Variants in ITGA9 observed in about 807,000 individuals in gnomAD.
ITGA9 encodes the protein integrin subunit alpha 9, also known as integrin alpha-9.
Under a neutral mutation model 127.8 loss-of-function variants are expected in ITGA9, and 56 were observed. That is an observed-to-expected ratio of 0.44 (90% CI 0.35 to 0.55). ITGA9 has a LOEUF of 0.55. Among genes scored for constraint, ITGA9 ranks in the 20% least tolerant of loss-of-function variants. ITGA9 has a pLI of 0.00. For synonymous variants in ITGA9, 508 were observed against 514.5 expected (o/e 0.99, Z 0.17); for missense variants, 1,196 against 1,347.1 (o/e 0.89, Z 1.76).
chr3:37,570,723 G>A (rs1699591889), intron 15 of ITGA9, among the ~76,000 whole-genome samples: 1 of 152,108 alleles, frequency 6.6e-6, no homozygotes, highest in African/African-American at 2.4e-5. Flanking sequence ...ACTGCAGAAG[G>A]GAAATAATAA....
chr3:37,503,447 C>T lies in ITGA9; in HGVS notation c.742+140C>T, dbSNP rs1277978074. The T allele has an allele frequency of 3.2e-6, 3 of 932,740 alleles. No homozygotes were observed. In the African/African-American group the frequency reaches 4.9e-5, roughly 15 times the overall value. 57.8% of individuals were successfully genotyped at this position (932,740 alleles called of 1,614,324 possible). On this transcript the variant is annotated intron_variant, in intron 6 of 27. Coordinates refer to ENST00000264741, the MANE Select transcript of ITGA9 (RefSeq NM_002207.3). ...TGTTCTAATGACTTACATCTTTAGC[C>T]AGGGCATCTTCACATCTAGCTCCAC... is the stretch of plus-strand genomic sequence containing the variant.
rs1424480827 is a variant in ITGA9, at chr3:37,555,166, CT to C, written c.1689+12584del. On this transcript the variant is annotated intron_variant, in intron 15 of 27. Coordinates refer to ENST00000264741, the MANE Select transcript of ITGA9 (RefSeq NM_002207.3). ...AAGAAGTGGGACATGCAAAGGGGCT[CT>C]TTATAATCTGGTCTGAGGCCCCTGT... is the stretch of plus-strand genomic sequence containing the variant. 7.0e-4 allele frequency among the ~76,000 whole-genome samples: 106 copies of C among 152,304 alleles called. 1 individual carries two copies. Among genetic ancestry groups the C allele is most frequent in the Non-Finnish European group, 1.5e-4 (10 of 68,028 alleles).
intron 22 of ITGA9, among the ~76,000 whole-genome samples, chr3:37,745,115 T>C (rs753726235): frequency 1.2e-4 from 18 of 152,228 alleles, no homozygotes; most frequent in Non-Finnish European, 2.4e-4. Flanking sequence ...TTTCTTTCCT[T>C]GTGGCCTCTC....
At chr3:37,752,484 C>T (rs1696598670) in intron 23 of ITGA9, among the ~76,000 whole-genome samples, 1 of 152,180 alleles carries the variant, frequency 6.6e-6, no homozygotes, top group Non-Finnish European at 1.5e-5. Flanking sequence ...GAAGCAGAAA[C>T]AGATTATAGG....
At chr3:37,526,424 T>C (rs140515274) in intron 13 of ITGA9, among the ~76,000 whole-genome samples, 148 of 152,352 alleles carry the variant, frequency 9.7e-4, no homozygotes, top group African/African-American at 3.3e-3. Flanking sequence ...CATAAAAATA[T>C]TTTATAATTT....
chr3:37,820,498 T>A lies in ITGA9; in HGVS notation c.*1509T>A, dbSNP rs990493926. The A allele has an allele frequency of 2.5e-4, 38 of 152,292 alleles. No individual in the cohort carries two copies. Among genetic ancestry groups the A allele is most frequent in the African/African-American group, 7.5e-4 (31 of 41,452 alleles). 9.4% of individuals were successfully genotyped at this position (152,292 alleles called of 1,614,324 possible). A position where few individuals can be genotyped will look rare whatever the true frequency, so the allele number is the denominator to read the frequency against. ...CCCCACCCCCTGAATGTGTGAGTGC[T>A]GAGTTACGGCCTTCAGTATCCAAGC... On this transcript the variant is annotated 3_prime_UTR_variant, in exon 28 of 28. Coordinates refer to ENST00000264741, the MANE Select transcript of ITGA9 (RefSeq NM_002207.3).
At chr3:37,657,344 A>G (rs1454051611) in intron 17 of ITGA9, among the ~76,000 whole-genome samples, 1 of 152,148 alleles carries the variant, frequency 6.6e-6, no homozygotes, top group Admixed American at 6.5e-5. Flanking sequence ...TTGGTAGGCT[A>G]TTAATTACTA....
At chr3:37,728,034 T>C (rs1696236607) in intron 18 of ITGA9, among the ~76,000 whole-genome samples, 1 of 152,258 alleles carries the variant, frequency 6.6e-6, no homozygotes, top group Non-Finnish European at 1.5e-5. Context: ...TAATCAGATG[T>C]CTGCACTAGC....
rs550154251 is a variant in ITGA9, at chr3:37,750,536, T to G, written c.2508T>G (p.Gly836=). The change falls in exon 23 of 28, where the codon GGT becomes GGG. Residue 836 remains glycine, a synonymous_variant. Coordinates refer to ENST00000264741, the MANE Select transcript of ITGA9 (RefSeq NM_002207.3). The stretch of plus-strand genomic sequence containing the variant: ...CTTTCCCTAATCGACTCTCATCTGG[T>G]GGTGCAGAGATGTTTCATGTCCAGG... The part of the protein sequence containing the change: ...SISFPNRLSS[G]GAEMFHVQEM... The G allele has an allele frequency of 6.2e-7, 1 of 1,613,524 alleles. No individual in the cohort carries two copies. The highest frequency in any genetic ancestry group is 1.1e-5 in the South Asian group (1 of 91,062).
intron 22 of ITGA9, chr3:37,748,904 T>C (rs1696544108): frequency 3.6e-6 from 3 of 845,028 alleles, no homozygotes; most frequent in East Asian, 4.8e-5. Context: ...CATGGCATAA[T>C]AGGTGTCTAA....
chr3:37,592,968 A>G (rs920488296), intron 15 of ITGA9, among the ~76,000 whole-genome samples: 1 of 152,208 alleles, frequency 6.6e-6, no homozygotes, highest in African/African-American at 2.4e-5. Context: ...AAACCATAGC[A>G]CCTGATGAAA....
chr3:37,480,458 C>G lies in ITGA9; in HGVS notation c.421-1026C>G, dbSNP rs2125558274. Among the ~76,000 whole-genome samples, 2 of 152,350 alleles carry G rather than the reference C, an allele frequency of 1.3e-5. 1 individual carries two copies. The highest frequency in any genetic ancestry group is 6.8e-3 in the Middle Eastern group (2 of 294). ...CCATGAACCTTCCTTCAGCTTTCTC[C>G]TCAGAGAGGCCTTCCTTGACCTGCC... On this transcript the variant is annotated intron_variant, in intron 3 of 27. Transcript: ENST00000264741.
At chr3:37,511,626 C>T (rs1698905795) in intron 8 of ITGA9, among the ~76,000 whole-genome samples, 1 of 152,198 alleles carries the variant, frequency 6.6e-6, no homozygotes, top group African/African-American at 2.4e-5. Flanking sequence ...TTGGCAAGGC[C>T]ACTGAAATAG....
intron 16 of ITGA9, among the ~76,000 whole-genome samples, chr3:37,636,347 C>T (rs1700278489): frequency 6.6e-6 from 1 of 152,214 alleles, no homozygotes; most frequent in African/African-American, 2.4e-5. Flanking sequence ...GATGGTATCT[C>T]ATTGTGGTTT....
intron 17 of ITGA9, among the ~76,000 whole-genome samples, chr3:37,678,478 A>G (rs762304): frequency 0.071 from 10,809 of 152,272 alleles, 1,189 homozygotes; most frequent in African/African-American, 0.23. Context: ...GCTGCCCTAT[A>G]CTATTATCCT....
intron 23 of ITGA9, among the ~76,000 whole-genome samples, chr3:37,773,006 T>G (rs1445694970): frequency 6.6e-6 from 1 of 152,202 alleles, no homozygotes; most frequent in African/African-American, 2.4e-5. Context: ...ACACTGAGGC[T>G]TAGGCTGTTT....
chr3:37,455,654 C>T (rs1302450051), intron 1 of ITGA9, among the ~76,000 whole-genome samples: 5 of 152,318 alleles, frequency 3.3e-5, no homozygotes, highest in Middle Eastern at 3.4e-3. Context: ...TTGTATCTTA[C>T]GTCTCTCTTC....
chr3:37,748,496 C>A, intron 22 of ITGA9: 1 of 530,720 alleles, frequency 1.9e-6, no homozygotes, highest in Non-Finnish European at 3.5e-6. Context: ...GCCTGTAATC[C>A]TAACACTTTG....
chr3:37,502,741 G>A (rs549509003), intron 5 of ITGA9, among the ~76,000 whole-genome samples: 13 of 152,314 alleles, frequency 8.5e-5, no homozygotes, highest in South Asian at 6.2e-4. Context: ...CTCTCGCTAC[G>A]CATCAGGTCG....
Sources: gnomAD v4.1 joint callset for allele counts (sites outside exome capture counted in the v4.1 genomes callset) on GRCh38, gnomAD v4.1.1 for gene constraint, MANE v1.5 for transcripts, NCBI Gene and HGNC (gene_info 2026-07-23, HGNC 2026-07-21) for gene names.